NME3: variants seen among roughly 807,000 people sequenced by gnomAD.
NME3 encodes the protein NME/NM23 nucleoside diphosphate kinase 3.
NME3 carries 23 observed loss-of-function variants against 15.8 expected under a neutral mutation model. That is an observed-to-expected ratio of 1.45 (90% CI 1.05 to 2.06). The LOEUF (loss-of-function observed/expected upper bound fraction) is 2.06. Ranked by LOEUF, NME3 falls within the 30% of genes most tolerant of loss-of-function variation. The pLI is 0.00. For synonymous variants in NME3, 157 were observed against 104.4 expected, an observed-to-expected ratio of 1.50 and a Z score of -3.07; for missense variants, 354 against 243.2, an observed-to-expected ratio of 1.46 and a Z score of -3.03.
chr16:1,770,832 A>AC (rs1341089587), intron 4 of NME3, 49 bp downstream of exon 4: 1 of 1,574,884 alleles, frequency 6.3e-7, no homozygotes, highest in South Asian at 1.2e-5. Flanking sequence ...CGCAGGCTGA[A>AC]CAGGGGGAGG....
chr16:1,771,519 G>A lies in NME3; in HGVS notation c.16C>T (p.Leu6=). ...GGGAAGAGGTTAGCGAAGATGGTCA[G>A]CACCAGGCAGATCATGATGGCGGTG... MICLV[L]TIFANLFPAA... is the part of the protein sequence containing the mutation. The change falls in exon 1 of 5, where the codon CTG becomes TTG. Residue 6 remains leucine, a synonymous_variant. Coordinates refer to ENST00000219302, the MANE Select transcript of NME3 (RefSeq NM_002513.3). The A allele has an allele frequency of 8.1e-7, 1 of 1,236,570 alleles. No homozygotes were observed. The highest frequency in any genetic ancestry group is 3.0e-5 in the South Asian group (1 of 33,128). 76.6% of individuals were successfully genotyped at this position (1,236,570 alleles called of 1,614,324 possible).
chr16:1,770,845 G>T, intron 4 of NME3, 36 bp downstream of exon 4: 1 of 1,568,602 alleles, frequency 6.4e-7, no homozygotes. Context: ...GGGGGAGGCC[G>T]GACGGGGCTG....
rs2042599716 is a variant in NME3, at chr16:1,771,427, G to C, written c.47-17C>G. The C allele has an allele frequency of 5.3e-6, 8 of 1,521,608 alleles. No individual in the cohort carries two copies. Among genetic ancestry groups the C allele is most frequent in the Non-Finnish European group, 7.0e-6 (8 of 1,137,376 alleles). 94.3% of individuals were successfully genotyped at this position (1,521,608 alleles called of 1,614,324 possible). A position where few individuals can be genotyped will look rare whatever the true frequency, so the allele number is the denominator to read the frequency against. On this transcript the variant is annotated splice_polypyrimidine_tract_variant and intron_variant, in intron 1 of 4. Transcript: ENST00000219302. ...CGGTGCAGGCTGCGGGGCAGGCGGG[G>C]ACGGGCCGTCAGGCCGGCCCAGCAC... is the stretch of plus-strand genomic sequence containing the variant.
Position 1,770,347 on chromosome 16 carries a change from G to A in NME3, c.*302C>T. On this transcript the variant is annotated 3_prime_UTR_variant, in exon 5 of 5. Transcript: ENST00000219302. The stretch of plus-strand genomic sequence containing the variant: ...CCTGTTCCTGGGCCCAAATCGAAAC[G>A]AAAACGAGGACTTTATTATAAAAAA... The A allele has an allele frequency of 2.9e-6, 1 of 346,304 alleles. No individual in the cohort carries two copies. Among genetic ancestry groups the A allele is most frequent in the Non-Finnish European group, 5.2e-6 (1 of 191,488 alleles). 21.5% of individuals were successfully genotyped at this position (346,304 alleles called of 1,614,324 possible). A position where few individuals can be genotyped will look rare whatever the true frequency, so the allele number is the denominator to read the frequency against.
intron 4 of NME3, 21 bp downstream of exon 4, chr16:1,770,860 C>T: frequency 6.4e-7 from 1 of 1,567,496 alleles, no homozygotes; most frequent in South Asian, 1.2e-5. Context: ...GGGCTGGGAC[C>T]GTCCCCGGGG....
In NME3 at chr16:1,771,009, G is replaced by A. The variant is rs1303179217; in HGVS notation, c.280-16C>T. 2 of 1,593,676 alleles carry A rather than the reference G, an allele frequency of 1.3e-6. No individual in the cohort carries two copies. Among genetic ancestry groups the A allele is most frequent in the South Asian group, 1.1e-5 (1 of 89,970 alleles). On this transcript the variant is annotated splice_polypyrimidine_tract_variant and intron_variant, in intron 3 of 4. Transcript: ENST00000219302. ...CCTGCCATACCTGTGCGGAGGAACG[G>A]GCGCGGTATCACGCGGGGGTGGGGG...
Position 1,771,125 on chromosome 16 carries a change from C to A in NME3, c.224G>T (p.Arg75Leu). ...LREHYAELRE[R>L]PFYGRLVKYM... ...CTTGACAAGGCGGCCGTAGAACGGG[C>A]GTTCACGCAGCTCGGCGTAGTGCTC... is the stretch of plus-strand genomic sequence containing the variant. The change falls in exon 3 of 5, where the codon CGC becomes CTC. Residue 75 changes from arginine to leucine, a missense_variant. Transcript: ENST00000219302. The A allele has an allele frequency of 6.2e-7, 1 of 1,609,316 alleles. No homozygotes were observed. Among genetic ancestry groups the A allele is most frequent in the Non-Finnish European group, 8.5e-7 (1 of 1,179,144 alleles).
In NME3 at chr16:1,770,609, G is replaced by A. The variant is rs756213247; in HGVS notation, c.*40C>T. 2.7e-6 allele frequency: 4 copies of A among 1,497,556 alleles called. No individual in the cohort carries two copies. The African/African-American group carries it at 4.1e-5, about 15-fold the overall frequency. 92.8% of individuals were successfully genotyped at this position (1,497,556 alleles called of 1,614,324 possible). On this transcript the variant is annotated 3_prime_UTR_variant, in exon 5 of 5. Coordinates refer to ENST00000219302, the MANE Select transcript of NME3 (RefSeq NM_002513.3). ...GCCCGCCCACCTGGGCCCTGGAGGA[G>A]GCTGGAGTGTGAGAGCCTCTGTGAC...
chr16:1,771,170 G>A lies in NME3; in HGVS notation c.179C>T (p.Ala60Val). The A allele has an allele frequency of 3.1e-6, 5 of 1,599,688 alleles. No homozygotes were observed. Among genetic ancestry groups the A allele is most frequent in the East Asian group, 4.5e-5 (2 of 44,410 alleles). Reference sequence around the variant, plus strand: ...GTGCTCACGCAGCAGCTCCTCGGAGGCCTGCGGAAGGGTCAGGCCGCCTGC... The same window carrying A: ...GTGCTCACGCAGCAGCTCCTCGGAGACCTGCGGAAGGGTCAGGCCGCCTGC... ...FKLVALKLVQ[A>V]SEELLREHYA... Residue 60 changes from alanine (A) to valine (V), a missense_variant and splice_region_variant, in exon 3 of 5, where the codon GCC becomes GTC. Coordinates refer to ENST00000219302, the MANE Select transcript of NME3 (RefSeq NM_002513.3).
In NME3 at chr16:1,770,956, GC is replaced by G; in HGVS notation, c.316del (p.Ala106ArgfsTer28). 6.3e-7 allele frequency: 1 copy of G among 1,584,530 alleles called. No homozygotes were observed. Among genetic ancestry groups the G allele is most frequent in the Non-Finnish European group, 8.6e-7 (1 of 1,160,774 alleles). The stretch of plus-strand genomic sequence containing the variant: ...GGCCGGGTTCGTGGCTCCGATGAGC[GC>G]CCGCGAGGTGCGCACCACGTCCAGC... ...QGLDVVRTSR[A>X]LIGATNPADA... On this transcript the variant is annotated frameshift_variant, in exon 4 of 5. Coordinates refer to ENST00000219302, the MANE Select transcript of NME3 (RefSeq NM_002513.3). LOFTEE classifies it high-confidence loss of function.
Position 1,771,473 on chromosome 16 carries a change from G to A in NME3, c.46+16C>T, listed in dbSNP as rs1277468186. The A allele has an allele frequency of 5.9e-5, 78 of 1,328,948 alleles. No individual in the cohort carries two copies. In the East Asian group the frequency reaches 2.4e-3, roughly 41 times the overall value. 82.3% of individuals were successfully genotyped at this position (1,328,948 alleles called of 1,614,324 possible). On this transcript the variant is annotated intron_variant, in intron 1 of 4. Transcript: ENST00000219302. ...AGCACCGGCCACCCGCCCCCGGCCC[G>A]CGCCGCGCGGCTCACCCGCGGGGAA...
Position 1,770,826 on chromosome 16 carries a change from G to A in NME3, c.392+55C>T, listed in dbSNP as rs1271379836. The A allele has an allele frequency of 3.2e-6, 5 of 1,576,816 alleles. No homozygotes were observed. The East Asian group carries it at 6.8e-5, about 21-fold the overall frequency. On this transcript the variant is annotated intron_variant, in intron 4 of 4. Transcript: ENST00000219302. ...AGACCTCCGGCACGGGTACCACGCAGGCTGAACAGGGGGAGGCCGGACGGG... is the reference window on the plus strand; with the variant it reads ...AGACCTCCGGCACGGGTACCACGCAAGCTGAACAGGGGGAGGCCGGACGGG...
chr16:1,771,034 G>A, intron 3 of NME3, 36 bp downstream of exon 3: 1 of 1,595,134 alleles, frequency 6.3e-7, no homozygotes, highest in Non-Finnish European at 8.6e-7. Context: ...GGGGGTGGGG[G>A]TCCCGGAGCC....
chr16:1,771,040 G>A (rs1278291516), intron 3 of NME3, 30 bp downstream of exon 3: 1 of 1,595,950 alleles, frequency 6.3e-7, no homozygotes, highest in Non-Finnish European at 8.6e-7. Flanking sequence ...GGGGGTCCCG[G>A]AGCCGCCCGC....
At chr16:1,771,024 G>A (rs763494855) in intron 3 of NME3, 31 bp from the exon 4 acceptor site, 20 of 1,593,368 alleles carry the variant, frequency 1.3e-5, no homozygotes, top group Middle Eastern at 3.3e-4. Flanking sequence ...GGTATCACGC[G>A]GGGGTGGGGG....
chr16:1,770,980 A>T lies in NME3; in HGVS notation c.293T>A (p.Leu98Gln), dbSNP rs1252214051. The T allele has an allele frequency of 6.3e-7, 1 of 1,588,588 alleles. No homozygotes were observed. The highest frequency in any genetic ancestry group is 8.6e-7 in the Non-Finnish European group (1 of 1,163,780). The part of the protein sequence containing the change: ...GPVVAMVWQG[L>Q]DVVRTSRALI... ...CGCCCGCGAGGTGCGCACCACGTCC[A>T]GCCCCTGCCATACCTGTGCGGAGGA... Residue 98 changes from leucine to glutamine, a missense_variant, in exon 4 of 5, where the codon CTG becomes CAG. By Grantham distance (113) the Leu-to-Gln change is moderately radical. Transcript: ENST00000219302.
In NME3 at chr16:1,770,891, C is replaced by A; in HGVS notation, c.382G>T (p.Glu128Ter). Residue 128 changes from glutamate to a stop codon, truncating the protein, a stop_gained, in exon 4 of 5, where the codon GAG (glutamate) becomes TAG (stop). Transcript: ENST00000219302. LOFTEE classifies it low-confidence loss of function (END_TRUNC). ...CGGGGCGGGCCTTACTTGCCAACCT[C>A]GATGCAGAAATCCCCGCGGATGGTG... ...PGTIRGDFCI[E>*]VGKNLIHGSD... is the part of the protein sequence containing the mutation. The A allele has an allele frequency of 6.3e-7, 1 of 1,578,020 alleles. No individual in the cohort carries two copies. The highest frequency in any genetic ancestry group is 1.1e-5 in the South Asian group (1 of 87,258).
chr16:1,770,634 C>G lies in NME3; in HGVS notation c.*15G>C. The G allele has an allele frequency of 3.9e-6, 6 of 1,554,332 alleles. No homozygotes were observed. The highest frequency in any genetic ancestry group is 5.2e-6 in the Non-Finnish European group (6 of 1,145,628). On this transcript the variant is annotated 3_prime_UTR_variant, in exon 5 of 5. Transcript: ENST00000219302. ...GGCTGGAGTGTGAGAGCCTCTGTGA[C>G]GCGCATCTGCCGGGCTACTCATACA...
rs777700422 is a variant in NME3, at chr16:1,770,745, G to A, written c.414C>T (p.Asp138=). Residue 138 remains aspartate (D), a synonymous_variant, in exon 5 of 5, where the codon GAC becomes GAT. Transcript: ENST00000219302. ...TCTCGCGGCGGGCACTCTCCACCGA[G>A]TCGCTGCCGTGAATCAGGTTCCTGC... is the stretch of plus-strand genomic sequence containing the variant. ...EVGKNLIHGS[D]SVESARREIA... 2.5e-6 allele frequency: 4 copies of A among 1,598,416 alleles called. No homozygotes were observed. Among genetic ancestry groups the A allele is most frequent in the East Asian group, 4.5e-5 (2 of 43,980 alleles).
Sources: gnomAD v4.1 joint callset for allele counts on GRCh38, gnomAD v4.1.1 for gene constraint, MANE v1.5 for transcripts, NCBI Gene and HGNC (gene_info 2026-07-23, HGNC 2026-07-21) for gene names.